PTPN12: variants seen among roughly 807,000 people sequenced by gnomAD.
PTPN12 encodes tyrosine-protein phosphatase non-receptor type 12.
Under a neutral mutation model 97.6 loss-of-function variants are expected in PTPN12, and 29 were observed. The ratio of observed to expected loss-of-function variants is 0.30; its 90% CI spans 0.22 to 0.41. The LOEUF is 0.41. Ranked by LOEUF, PTPN12 falls within the 10% of genes least tolerant of loss-of-function variation. The pLI is 1.00. For missense variants in PTPN12, 819 were observed against 926.0 expected (o/e 0.88, Z 1.50); for synonymous variants, 327 against 300.4 (o/e 1.09, Z -0.91).
intron 15 of PTPN12, among the ~76,000 whole-genome samples, chr7:77,636,357 G>T (rs1482468085): frequency 2.6e-5 from 4 of 151,952 alleles, no homozygotes; most frequent in Admixed American, 2.0e-4. Context: ...CCAAGCAGAA[G>T]GATCACTTGA....
intron 14 of PTPN12, among the ~76,000 whole-genome samples, chr7:77,634,431 A>T (rs1393566999): frequency 6.6e-6 from 1 of 151,560 alleles, no homozygotes; most frequent in Non-Finnish European, 1.5e-5. Flanking sequence ...CTTTTTATTT[A>T]TTTATTTTTT....
chr7:77,544,115 A>G (rs575614883), intron 1 of PTPN12, among the ~76,000 whole-genome samples: 1 of 152,314 alleles, frequency 6.6e-6, no homozygotes, highest in East Asian at 1.9e-4. Flanking sequence ...TGCTGCACAT[A>G]TTACATTCCA....
At chr7:77,570,968 C>G in intron 1 of PTPN12, 110 bp from the exon 2 acceptor site, 1 of 626,420 alleles carries the variant, frequency 1.6e-6, no homozygotes, top group Non-Finnish European at 2.7e-6. Flanking sequence ...AAATTAAGAG[C>G]TAAGAGACAG....
chr7:77,615,784 A>G (rs574463074), intron 11 of PTPN12, among the ~76,000 whole-genome samples: 7 of 152,332 alleles, frequency 4.6e-5, no homozygotes, highest in African/African-American at 1.7e-4. Context: ...AGTTGTATAC[A>G]TGACAAATGT....
rs1225246327 is a variant in PTPN12, at chr7:77,592,196, G to A, written c.432G>A (p.Glu144=). 1 of 1,600,014 alleles carries A rather than the reference G, an allele frequency of 6.2e-7. No individual in the cohort carries two copies. The highest frequency in any genetic ancestry group is 8.5e-7 in the Non-Finnish European group (1 of 1,176,204). The part of the protein sequence containing the change: ...REFEMGRKKC[E]RYWPLYGEDP... ...TTTTTGGATGACAGAAAAAATGTGAGCGCTATTGGCCTTTGTATGGAGAAG... is the reference window on the plus strand; with the variant it reads ...TTTTTGGATGACAGAAAAAATGTGAACGCTATTGGCCTTTGTATGGAGAAG... The change falls in exon 6 of 18, where the codon GAG becomes GAA. Residue 144 remains glutamate (E), a synonymous_variant. Coordinates refer to ENST00000248594, the MANE Select transcript of PTPN12 (RefSeq NM_002835.4).
rs138111846 is a variant in PTPN12 at position 77,635,394 on chromosome 7, A to C, written c.2075-388A>C. Among the ~76,000 whole-genome samples, 438 of 152,340 alleles carry C rather than the reference A, an allele frequency of 2.9e-3. 11 individuals carry two copies. Among genetic ancestry groups the C allele is most frequent in the Admixed American group, 0.024 (362 of 15,300 alleles). On this transcript the variant is annotated intron_variant, in intron 14 of 17. Coordinates refer to ENST00000248594, the MANE Select transcript of PTPN12 (RefSeq NM_002835.4). ...CAGTGAGCCGAGATCGCGCCTGGTC[A>C]ACAGAGTGAGACCCTGTCTCAACAA...
At position 77,618,502 on chromosome 7, in the gene PTPN12, T is replaced by C. The variant is rs754666993; in HGVS notation, c.962T>C (p.Met321Thr). 2.5e-6 allele frequency: 4 copies of C among 1,602,808 alleles called. No individual in the cohort carries two copies. The highest frequency in any genetic ancestry group is 3.4e-6 in the Non-Finnish European group (4 of 1,172,790). Reference sequence around the variant, plus strand: ...CAGAATGAAATTAACACTGAAAACATGGTCAGCTCCATAGAGCCTGAAAAA... The same window carrying C: ...CAGAATGAAATTAACACTGAAAACACGGTCAGCTCCATAGAGCCTGAAAAA... ...DGVNEINTEN[M>T]VSSIEPEKQD... Residue 321 changes from methionine (M) to threonine (T), a missense_variant, in exon 12 of 18, where the codon ATG becomes ACG. Met to Thr is a moderately conservative substitution (Grantham distance 81, BLOSUM62 -1). Transcript: ENST00000248594.
intron 14 of PTPN12, 85 bp downstream of exon 14, chr7:77,632,510 T>C (rs1789433920): frequency 1.1e-6 from 1 of 945,496 alleles, no homozygotes. Context: ...CTATTAGCTA[T>C]TGTGCTACAT....
At chr7:77,558,894 T>C (rs1417240764) in intron 1 of PTPN12, among the ~76,000 whole-genome samples, 1 of 152,074 alleles carries the variant, frequency 6.6e-6, no homozygotes, top group East Asian at 1.9e-4. Flanking sequence ...ACCTGTGTAG[T>C]CTTAGCTACT....
Position 77,625,472 on chromosome 7 carries a change from G to GCTCGCGCGCTCTCTCTCTCTCTCT in PTPN12, c.1026-1230_1026-1229insGCGCGCTCTCTCTCTCTCTCTCTC. On this transcript the variant is annotated intron_variant, in intron 12 of 17. Coordinates refer to ENST00000248594, the MANE Select transcript of PTPN12 (RefSeq NM_002835.4). ...TTTTGCCATATTGCCCAGGCTGCTC[G>GCTCGCGCGCTCTCTCTCTCTCTCT]CTCTCTCTCTCTCTCTCTCTCTCTC... Among the ~76,000 whole-genome samples, 101 of 33,516 alleles carry GCTCGCGCGCTCTCTCTCTCTCTCT rather than the reference G, an allele frequency of 3.0e-3. 10 individuals are homozygous for GCTCGCGCGCTCTCTCTCTCTCTCT. The highest frequency in any genetic ancestry group is 5.4e-3 in the African/African-American group (41 of 7,526). 22.0% of individuals were successfully genotyped at this position (33,516 alleles called of 152,430 possible).
At chr7:77,595,145 C>G (rs1040039805) in intron 6 of PTPN12, among the ~76,000 whole-genome samples, 1 of 152,108 alleles carries the variant, frequency 6.6e-6, no homozygotes, top group Admixed American at 6.6e-5. Context: ...TTAGTAACGA[C>G]TTGGTTTAAT....
chr7:77,561,964 G>C (rs1302404884), intron 1 of PTPN12, among the ~76,000 whole-genome samples: 1 of 151,636 alleles, frequency 6.6e-6, no homozygotes, highest in Admixed American at 6.6e-5. Context: ...ACTAATTTTT[G>C]TATTTTTAGT....
At chr7:77,572,832 C>T (rs534294541) in intron 2 of PTPN12, among the ~76,000 whole-genome samples, 1 of 152,032 alleles carries the variant, frequency 6.6e-6, no homozygotes, top group East Asian at 1.9e-4. Context: ...CGCCTATAAT[C>T]CCAGCACTTT....
Position 77,605,409 on chromosome 7 carries a change from G to GTTTTTTTTTTT in PTPN12, c.696-1808_696-1798dup, listed in dbSNP as rs751962814. 7.1e-4 allele frequency among the ~76,000 whole-genome samples: 68 copies of GTTTTTTTTTTT among 95,530 alleles called. 3 individuals are homozygous for GTTTTTTTTTTT. The highest frequency in any genetic ancestry group is 2.5e-3 in the African/African-American group (61 of 24,226). The allele number at this position is 95,530 out of a possible 152,430, so 62.7% of individuals were successfully genotyped here. ...TTACTTTAAAATACTTTTGTCATGAGTTTTTTTTTTTTTTTTTTTTTTTTT... is the reference window on the plus strand; with the variant it reads ...TTACTTTAAAATACTTTTGTCATGAGTTTTTTTTTTTTTTTTTTTTTTTTTTTTTTTTTTTT... On this transcript the variant is annotated intron_variant, in intron 8 of 17. Coordinates refer to ENST00000248594, the MANE Select transcript of PTPN12 (RefSeq NM_002835.4).
intron 1 of PTPN12, among the ~76,000 whole-genome samples, chr7:77,548,146 T>C (rs1354144013): frequency 6.6e-6 from 1 of 152,252 alleles, no homozygotes; most frequent in African/African-American, 2.4e-5. Flanking sequence ...TACACAGTTC[T>C]TAGATGACTA....
At chr7:77,627,776 T>C in intron 13 of PTPN12, 101 bp downstream of exon 13, 3 of 1,201,340 alleles carry the variant, frequency 2.5e-6, no homozygotes, top group South Asian at 2.0e-5. Context: ...TTCCACACTC[T>C]ACCATAGAAC....
chr7:77,547,475 G>GA (rs1807278008), intron 1 of PTPN12, among the ~76,000 whole-genome samples: 1 of 152,130 alleles, frequency 6.6e-6, no homozygotes, highest in Non-Finnish European at 1.5e-5. Flanking sequence ...TAGACTAGTG[G>GA]AAAGATAAGG....
intron 2 of PTPN12, among the ~76,000 whole-genome samples, chr7:77,577,310 A>G (rs543810496): frequency 2.6e-5 from 4 of 152,350 alleles, no homozygotes; most frequent in Non-Finnish European, 4.4e-5. Flanking sequence ...CTGTCTGTGC[A>G]TAGCGATATT....
At chr7:77,558,188 G>C (rs1034791342) in intron 1 of PTPN12, among the ~76,000 whole-genome samples, 2 of 142,174 alleles carry the variant, frequency 1.4e-5, no homozygotes, top group African/African-American at 5.2e-5. Flanking sequence ...TCCAGCCTGG[G>C]CAATAGAGCA....
Sources: gnomAD v4.1 joint callset for allele counts (sites outside exome capture counted in the v4.1 genomes callset) on GRCh38, gnomAD v4.1.1 for gene constraint, MANE v1.5 for transcripts, NCBI Gene and HGNC (gene_info 2026-07-23, HGNC 2026-07-21) for gene names.